EIF2B1: variants seen among roughly 807,000 people sequenced by gnomAD.
The protein encoded by EIF2B1 is translation initiation factor eIF2B subunit alpha.
EIF2B1 carries 30 observed loss-of-function variants against 36.8 expected under a neutral mutation model. That is an observed-to-expected ratio of 0.81 (90% CI 0.61 to 1.10). The LOEUF (loss-of-function observed/expected upper bound fraction) is 1.10. Among genes scored for constraint, EIF2B1 ranks in the 50% least tolerant of loss-of-function variants. The pLI is 0.00. For missense variants in EIF2B1, 271 were observed against 374.8 expected (o/e 0.72, Z 2.29); for synonymous variants, 139 against 142.2 (o/e 0.98, Z 0.16).
chr12:123,626,095 T>G (rs1955146423), intron 6 of EIF2B1: 16 of 336,394 alleles, frequency 4.8e-5, no homozygotes, highest in South Asian at 4.6e-4. Flanking sequence ...ATCATGCCAT[T>G]GCACTCCAGC....
At chr12:123,632,491 C>T (rs778847696) in intron 1 of EIF2B1, 45 bp from the exon 2 acceptor site, 4 of 1,329,994 alleles carry the variant, frequency 3.0e-6, no homozygotes, top group Non-Finnish European at 4.3e-6. Context: ...ATTTAGCAGC[C>T]TATAAGGCAA....
intron 4 of EIF2B1, chr12:123,629,955 C>G (rs1471550559): frequency 3.2e-6 from 2 of 622,602 alleles, no homozygotes; most frequent in Non-Finnish European, 5.8e-6. Flanking sequence ...CACCCCTTGC[C>G]CCTTACATGT....
Position 123,630,077 on chromosome 12 carries a change from C to A in EIF2B1, c.369+92G>T. 1 of 1,078,246 alleles carries A rather than the reference C, an allele frequency of 9.3e-7. No homozygotes were observed. Among genetic ancestry groups the A allele is most frequent in the Non-Finnish European group, 1.4e-6 (1 of 698,916 alleles). 66.8% of individuals were successfully genotyped at this position (1,078,246 alleles called of 1,614,324 possible). A position where few individuals can be genotyped will look rare whatever the true frequency, so the allele number is the denominator to read the frequency against. ...GTTAAGTTACTTGTTCAAGTCTCCA[C>A]AGCAAGTGAGTGGCAGAGCCCGGAT... On this transcript the variant is annotated intron_variant, in intron 4 of 8. Coordinates refer to ENST00000424014, the MANE Select transcript of EIF2B1 (RefSeq NM_001414.4). The surrounding 1 kb of genome is among the most constrained non-coding windows in gnomAD (Gnocchi z 4.6).
At chr12:123,631,533 G>A (rs1371161619) in intron 2 of EIF2B1, among the ~76,000 whole-genome samples, 1 of 151,916 alleles carries the variant, frequency 6.6e-6, no homozygotes, top group East Asian at 1.9e-4. Flanking sequence ...ATTTGGCCGG[G>A]CCCGGTGGCT....
In EIF2B1 at chr12:123,620,627, T is replaced by TATATATATATAA. The variant is rs1250251932; in HGVS notation, c.*1128_*1129insTTATATATATAT. On this transcript the variant is annotated 3_prime_UTR_variant, in exon 9 of 9. Coordinates refer to ENST00000424014, the MANE Select transcript of EIF2B1 (RefSeq NM_001414.4). ...ATATATATATATATATATATATATA[T>TATATATATATAA]AAGCTCTTTTTTCTGAGGCTATTTT... The TATATATATATAA allele has an allele frequency of 7.0e-5, 7 of 99,840 alleles. No homozygotes were observed. Among genetic ancestry groups the TATATATATATAA allele is most frequent in the Non-Finnish European group, 1.1e-4 (5 of 46,670 alleles). 6.2% of individuals were successfully genotyped at this position (99,840 alleles called of 1,614,324 possible).
intron 7 of EIF2B1, among the ~76,000 whole-genome samples, chr12:123,624,309 A>C (rs908145020): frequency 7.2e-6 from 1 of 138,684 alleles, no homozygotes; most frequent in African/African-American, 2.8e-5. Flanking sequence ...CCCAGGCTGG[A>C]ATGCAGTAGT....
At chr12:123,632,882 C>A (rs1238816452) in intron 1 of EIF2B1, among the ~76,000 whole-genome samples, 1 of 141,354 alleles carries the variant, frequency 7.1e-6, no homozygotes, top group East Asian at 2.1e-4. Context: ...GGAGGCGGAG[C>A]TTGCAGTGAG....
chr12:123,632,504 G>C, intron 1 of EIF2B1, 58 bp from the exon 2 acceptor site: 1 of 1,186,724 alleles, frequency 8.4e-7, no homozygotes, highest in Non-Finnish European at 1.3e-6. Context: ...TAAGGCAAGA[G>C]AGCTTGTTAA....
At chr12:123,623,282 A>G (rs904980558) in intron 7 of EIF2B1, among the ~76,000 whole-genome samples, 4 of 151,954 alleles carry the variant, frequency 2.6e-5, no homozygotes, top group African/African-American at 9.7e-5. Context: ...GCTACTAGGG[A>G]GGCTGAAGCA....
At position 123,622,776 on chromosome 12, in the gene EIF2B1, A is replaced by G. The variant is rs367572185; in HGVS notation, c.628-15T>C. The G allele has an allele frequency of 3.7e-6, 6 of 1,613,330 alleles. No individual in the cohort carries two copies. The African/African-American group carries it at 6.7e-5, about 18-fold the overall frequency. ...TTGGTTCCAATCTGGGAAGGCAGAA[A>G]ATGGAATGGATGAGCTCTAGAGTGC... On this transcript the variant is annotated splice_polypyrimidine_tract_variant and intron_variant, in intron 7 of 8. Coordinates refer to ENST00000424014, the MANE Select transcript of EIF2B1 (RefSeq NM_001414.4).
At chr12:123,629,686 G>A (rs551442316) in intron 4 of EIF2B1, among the ~76,000 whole-genome samples, 17 of 152,244 alleles carry the variant, frequency 1.1e-4, no homozygotes, top group South Asian at 6.2e-4. Context: ...CCAGCTACTC[G>A]GGAGGCTGAG....
rs1386315830 is a variant in EIF2B1 at position 123,621,629 on chromosome 12, T to G, written c.*127A>C. 2.2e-5 allele frequency: 26 copies of G among 1,203,410 alleles called. No individual in the cohort carries two copies. The highest frequency in any genetic ancestry group is 3.0e-5 in the Non-Finnish European group (25 of 826,494). The allele number at this position is 1,203,410 out of a possible 1,614,324, so 74.5% of individuals were successfully genotyped here. On this transcript the variant is annotated 3_prime_UTR_variant, in exon 9 of 9. Transcript: ENST00000424014. ...AAAGGTTCTCCAAGATGTATGATTT[T>G]AAGTCCTTACTCCATAAATCTTCAT...
intron 7 of EIF2B1, among the ~76,000 whole-genome samples, chr12:123,623,357 G>A (rs1955123248): frequency 2.0e-5 from 3 of 152,090 alleles, no homozygotes; most frequent in African/African-American, 7.2e-5. Context: ...TTGCACTCCA[G>A]CCTGGACAGC....
intron 1 of EIF2B1, 146 bp from the exon 2 acceptor site, chr12:123,632,592 T>G (rs1955203967): frequency 7.4e-6 from 5 of 679,562 alleles, no homozygotes; most frequent in Non-Finnish European, 2.6e-6. Flanking sequence ...ATGCAATAAA[T>G]GTTGATGGGA....
Position 123,632,344 on chromosome 12 carries a change from C to T in EIF2B1, c.115+1G>A, listed in dbSNP as rs749213860. 5 of 1,596,540 alleles carry T rather than the reference C, an allele frequency of 3.1e-6. No individual in the cohort carries two copies. Among genetic ancestry groups the T allele is most frequent in the Non-Finnish European group, 4.3e-6 (5 of 1,164,906 alleles). On this transcript the variant is annotated splice_donor_variant, in intron 2 of 8. Transcript: ENST00000424014. LOFTEE classifies it high-confidence loss of function. ...GTGTTAACAGATGACTCTCTATATACCTTTATCTCTCTTCAAGAACTCCAG... is the reference window on the plus strand; with the variant it reads ...GTGTTAACAGATGACTCTCTATATATCTTTATCTCTCTTCAAGAACTCCAG...
chr12:123,626,162 A>G (rs754081149), intron 6 of EIF2B1: 17 of 499,004 alleles, frequency 3.4e-5, no homozygotes, highest in Admixed American at 9.8e-5. Flanking sequence ...AAACAAAAAC[A>G]ACAACAACAA....
At chr12:123,627,550 CG>C (rs1206157017) in intron 4 of EIF2B1, among the ~76,000 whole-genome samples, 4 of 152,146 alleles carry the variant, frequency 2.6e-5, no homozygotes, top group Non-Finnish European at 5.9e-5. Context: ...AGCAGCAAAG[CG>C]AAAGGCTACA....
chr12:123,633,263 C>T (rs1432792775), intron 1 of EIF2B1, among the ~76,000 whole-genome samples: 1 of 148,710 alleles, frequency 6.7e-6, no homozygotes, highest in East Asian at 2.0e-4. Context: ...TCAAATATGC[C>T]TTATTCATTC....
Position 123,632,379 on chromosome 12 carries a change from G to C in EIF2B1, c.81C>G (p.Ile27Met), listed in dbSNP as rs1398183477. The C allele has an allele frequency of 1.2e-6, 2 of 1,613,586 alleles. No homozygotes were observed. The highest frequency in any genetic ancestry group is 1.7e-6 in the Non-Finnish European group (2 of 1,179,734). ...DPDMASAVAA[I>M]RTLLEFLKRD... is the part of the protein sequence containing the mutation. ...TCTTCAAGAACTCCAGCAACGTCCG[G>C]ATGGCAGCCACTGCTGAGGCCATGT... is the stretch of plus-strand genomic sequence containing the variant. The change falls in exon 2 of 9, where the codon ATC (isoleucine) becomes ATG (methionine). Residue 27 changes from isoleucine (I) to methionine (M), a missense_variant. By Grantham distance (10) the Ile-to-Met change is conservative. Transcript: ENST00000424014.
Sources: gnomAD v4.1 joint callset for allele counts (sites outside exome capture counted in the v4.1 genomes callset) on GRCh38, gnomAD v4.1.1 for gene constraint, Gnocchi (gnomAD v3.1) non-coding constraint, MANE v1.5 for transcripts, NCBI Gene and HGNC (gene_info 2026-07-23, HGNC 2026-07-21) for gene names.